Variants in PARL observed in about 807,000 individuals in gnomAD.
PARL encodes the protein presenilin-associated rhomboid-like protein, mitochondrial.
PARL carries 44 observed loss-of-function variants against 51.6 expected under a neutral mutation model. That is an observed-to-expected ratio of 0.85 (90% CI 0.67 to 1.10). The LOEUF is 1.10. Ranked by LOEUF, PARL falls within the 50% of genes least tolerant of loss-of-function variation. The probability of loss-of-function intolerance (pLI) is 0.00; values close to 1 mark genes in which losing one functional copy is unlikely to be tolerated. For missense variants in PARL, 441 were observed against 469.5 expected (o/e 0.94, Z 0.56); for synonymous variants, 172 against 164.0 (o/e 1.05, Z -0.37).
intron 1 of PARL, among the ~76,000 whole-genome samples, chr3:183,874,379 CAT>C (rs1327922122): frequency 2.0e-5 from 3 of 151,496 alleles, no homozygotes; most frequent in Non-Finnish European, 4.4e-5. Context: ...GGAACAGTCA[CAT>C]GTCTCTGGCT....
At chr3:183,874,377 C>A (rs1475119963) in intron 1 of PARL, among the ~76,000 whole-genome samples, 1 of 151,674 alleles carries the variant, frequency 6.6e-6, no homozygotes, top group African/African-American at 2.4e-5. Context: ...AAGGAACAGT[C>A]ACATGTCTCT....
At chr3:183,847,306 C>A (rs1730070234) in intron 4 of PARL, among the ~76,000 whole-genome samples, 1 of 152,184 alleles carries the variant, frequency 6.6e-6, no homozygotes, top group Admixed American at 6.5e-5. Context: ...CGCCTATAAT[C>A]CTAGCACTTT....
At chr3:183,830,272 G>C (rs1189027432) in intron 9 of PARL, among the ~76,000 whole-genome samples, 1 of 152,242 alleles carries the variant, frequency 6.6e-6, no homozygotes, top group Non-Finnish European at 1.5e-5. Context: ...GCGGCCTGAA[G>C]CAACGAGCCT....
chr3:183,884,365 A>T (rs950485762), intron 1 of PARL, among the ~76,000 whole-genome samples: 9 of 152,238 alleles, frequency 5.9e-5, no homozygotes, highest in Admixed American at 1.3e-4. Context: ...ATGGAAAAAG[A>T]ATAAAAACCG....
intron 1 of PARL, among the ~76,000 whole-genome samples, chr3:183,880,524 C>G (rs1277922055): frequency 2.0e-5 from 3 of 152,082 alleles, no homozygotes; most frequent in Non-Finnish European, 2.9e-5. Context: ...TCCTCAGCCT[C>G]CCAAGTAGCT....
intron 1 of PARL, among the ~76,000 whole-genome samples, chr3:183,880,224 G>A (rs896522378): frequency 1.3e-5 from 2 of 152,122 alleles, no homozygotes; most frequent in African/African-American, 4.8e-5. Context: ...AAATGGATGG[G>A]GATGGGAAAG....
chr3:183,882,222 A>AAAATATATATATATATATATATATATTT (rs1401913573), intron 1 of PARL, among the ~76,000 whole-genome samples: 1 of 46,102 alleles, frequency 2.2e-5, no homozygotes, highest in Non-Finnish European at 4.0e-5. Flanking sequence ...AAAAAAAAAA[A>AAAATATATATATATATATATATATATTT]ATATATATAT....
chr3:183,884,653 GC>G (rs945012489), intron 1 of PARL, 68 bp downstream of exon 1: 1 of 1,503,438 alleles, frequency 6.7e-7, no homozygotes, highest in Non-Finnish European at 9.0e-7. Flanking sequence ...GACGGCCTCC[GC>G]CCCCGAGGAT....
chr3:183,842,731 C>G (rs1358452533), intron 5 of PARL, among the ~76,000 whole-genome samples: 3 of 138,282 alleles, frequency 2.2e-5, no homozygotes, highest in Admixed American at 8.1e-5. Flanking sequence ...TCACTTGGAC[C>G]CAGGAGGTAG....
intron 4 of PARL, among the ~76,000 whole-genome samples, chr3:183,849,590 A>C (rs1730328260): frequency 6.6e-6 from 1 of 152,164 alleles, no homozygotes; most frequent in African/African-American, 2.4e-5. Context: ...CACCTTAAGA[A>C]AGTGTAGAGA....
At chr3:183,852,576 T>G (rs1730676146) in intron 4 of PARL, among the ~76,000 whole-genome samples, 1 of 152,108 alleles carries the variant, frequency 6.6e-6, no homozygotes, top group African/African-American at 2.4e-5. Flanking sequence ...TAGATAGTAG[T>G]GACGGTTATA....
rs572552957 is a variant in PARL, at chr3:183,854,459, T to G, written c.511+8294A>C. Among the ~76,000 whole-genome samples, 77 of 152,272 alleles carry G rather than the reference T, an allele frequency of 5.1e-4. 1 individual carries two copies. The highest frequency in any genetic ancestry group is 1.9e-3 in the African/African-American group (77 of 41,570). On this transcript the variant is annotated intron_variant, in intron 4 of 9. Transcript: ENST00000317096. The stretch of plus-strand genomic sequence containing the variant: ...CGTGCTCCAACATGGATAAACCTTG[T>G]GGACATTATGAAATAAGCCAGTCCA...
At chr3:183,876,633 A>G (rs201926059) in intron 1 of PARL, among the ~76,000 whole-genome samples, 50 of 97,324 alleles carry the variant, frequency 5.1e-4, no homozygotes, top group African/African-American at 8.6e-4. Context: ...AAAAAAAAAA[A>G]AAAAAGAAAA....
At chr3:183,866,598 A>G (rs754231960) in intron 3 of PARL, 27 bp downstream of exon 3, 2 of 1,601,316 alleles carry the variant, frequency 1.2e-6, no homozygotes, top group South Asian at 2.2e-5. Context: ...GATTAACTAG[A>G]AGAAAGAAAG....
In PARL at chr3:183,866,532, G is replaced by A. The variant is rs1577362828; in HGVS notation, c.462+93C>T. On this transcript the variant is annotated intron_variant, in intron 3 of 9. Transcript: ENST00000317096. ...TTTCATTATTACACATTATGTGAAT[G>A]CATCATGTACACTGAAAACACGTGC... 5.3e-6 allele frequency: 5 copies of A among 934,712 alleles called. No individual in the cohort carries two copies. In the East Asian group the frequency reaches 1.2e-4, roughly 22 times the overall value. 57.9% of individuals were successfully genotyped at this position (934,712 alleles called of 1,614,324 possible). A position where few individuals can be genotyped will look rare whatever the true frequency, so the allele number is the denominator to read the frequency against.
At chr3:183,854,236 C>T (rs1275768375) in intron 4 of PARL, among the ~76,000 whole-genome samples, 1 of 152,126 alleles carries the variant, frequency 6.6e-6, no homozygotes, top group African/African-American at 2.4e-5. Context: ...AGTGAGATTC[C>T]ATCTCAAAAA....
chr3:183,851,845 T>C (rs1378845322), intron 4 of PARL, among the ~76,000 whole-genome samples: 1 of 152,126 alleles, frequency 6.6e-6, no homozygotes, highest in African/African-American at 2.4e-5. Flanking sequence ...CCCATTACGA[T>C]GGCTATTATC....
intron 4 of PARL, among the ~76,000 whole-genome samples, chr3:183,850,688 AC>A (rs1342681713): frequency 6.6e-6 from 1 of 152,224 alleles, no homozygotes; most frequent in South Asian, 2.1e-4. Context: ...CAAAGACATC[AC>A]AAAAAACTAT....
intron 4 of PARL, among the ~76,000 whole-genome samples, chr3:183,862,325 C>T (rs1731931729): frequency 1.3e-5 from 2 of 152,274 alleles, no homozygotes; most frequent in South Asian, 2.1e-4. Context: ...GTTTGACTTT[C>T]AAAAGTTCCT....
Sources: allele counts gnomAD v4.1 joint callset (sites outside exome capture counted in the v4.1 genomes callset), GRCh38; gene constraint gnomAD v4.1.1; transcripts MANE v1.5; gene names NCBI Gene and HGNC (gene_info 2026-07-23, HGNC 2026-07-21).